Variants in ALPK3 observed in about 807,000 individuals in gnomAD.
ALPK3 encodes the protein alpha-protein kinase 3.
In ALPK3, 102 loss-of-function variants were observed where a neutral mutation model predicts 140.0. The observed-to-expected ratio is 0.73, with a 90% CI of 0.62 to 0.86. The LOEUF (loss-of-function observed/expected upper bound fraction) is 0.86, where lower values mean the gene tolerates loss of function less well. ALPK3 is among the 40% of genes least tolerant of loss of function. The pLI is 0.00. For synonymous variants in ALPK3, 938 were observed against 898.5 expected, an observed-to-expected ratio of 1.04 and a Z score of -0.79; for missense variants, 2,254 against 2,208.2, an observed-to-expected ratio of 1.02 and a Z score of -0.42.
chr15:84,860,050 C>A lies in ALPK3; in HGVS notation c.4107C>A (p.Phe1369Leu). ...TTCTGTATCTAGTGTTGTCAGGATT[C>A]ATCTCCAGAGAAGAAGGTGAAGGTA... ...FCLSPEVLSGFISREEGEVGE... is the reference protein window; with the variant it reads ...FCLSPEVLSGLISREEGEVGE... The change falls in exon 9 of 14, where the codon TTC becomes TTA. Residue 1369 changes from phenylalanine to leucine, a missense_variant. This residue lies in a region of ALPK3 where 2,088 missense variants were observed against 2,022.9 expected (regional missense o/e 1.03). Transcript: ENST00000258888. 5.6e-6 allele frequency: 9 copies of A among 1,614,136 alleles called. No homozygotes were observed. The highest frequency in any genetic ancestry group is 7.6e-6 in the Non-Finnish European group (9 of 1,180,028).
At chr15:84,841,916 A>G (rs1199556290) in intron 5 of ALPK3, among the ~76,000 whole-genome samples, 1 of 152,240 alleles carries the variant, frequency 6.6e-6, no homozygotes, top group Non-Finnish European at 1.5e-5. Flanking sequence ...AAAGTATTTC[A>G]AGAGTGGGGC....
intron 13 of ALPK3, among the ~76,000 whole-genome samples, 172 bp downstream of exon 13, chr15:84,867,537 C>A (rs1229994364): frequency 6.6e-6 from 1 of 152,072 alleles, no homozygotes; most frequent in African/African-American, 2.4e-5. Flanking sequence ...CACCCCTTAT[C>A]TCTGGCCTGG....
Position 84,856,403 on chromosome 15 carries a change from C to G in ALPK3, c.1665C>G (p.Cys555Trp). 6.3e-7 allele frequency: 1 copy of G among 1,595,072 alleles called. No individual in the cohort carries two copies. The highest frequency in any genetic ancestry group is 8.5e-7 in the Non-Finnish European group (1 of 1,172,324). Residue 555 changes from cysteine (C) to tryptophan (W), a missense_variant, in exon 6 of 14, where the codon TGC becomes TGG. By Grantham distance (215) the Cys-to-Trp change is radical. Coordinates refer to ENST00000258888, the MANE Select transcript of ALPK3 (RefSeq NM_020778.5). ...GHRTPGEVLE[C>W]QTTTAPTMSA... ...CCCTCTGTTTTCAGGTCCTGGAATG[C>G]CAGACAACCACGGCTCCTACCATGT...
In ALPK3 at chr15:84,856,355, T is replaced by C. The variant is rs368621284; in HGVS notation, c.1654-37T>C. The C allele has an allele frequency of 3.5e-5, 55 of 1,551,220 alleles. 2 individuals are homozygous for C. In the Middle Eastern group the frequency reaches 3.3e-3, roughly 93 times the overall value. ...GACTGGAAAGAGATCTGAATGTCCA[T>C]GTAGTTAAATCCTTGCTTTTGTCCC... On this transcript the variant is annotated intron_variant, in intron 5 of 13. Coordinates refer to ENST00000258888, the MANE Select transcript of ALPK3 (RefSeq NM_020778.5).
chr15:84,859,824 C>A lies in ALPK3; in HGVS notation c.4014C>A (p.Pro1338=), dbSNP rs370134731. 2.5e-6 allele frequency: 4 copies of A among 1,613,952 alleles called. No individual in the cohort carries two copies. Among genetic ancestry groups the A allele is most frequent in the South Asian group, 1.1e-5 (1 of 91,084 alleles). Residue 1338 remains proline, a synonymous_variant, in exon 8 of 14, where the codon CCC becomes CCA. Coordinates refer to ENST00000258888, the MANE Select transcript of ALPK3 (RefSeq NM_020778.5). ...PAALAIVQAS[P]VDCGVYRCTI... ...CCTTGGCCATCGTGCAGGCCTCCCCCGTAGACTGCGGTGTGTATCGGTGCA... is the reference window on the plus strand; with the variant it reads ...CCTTGGCCATCGTGCAGGCCTCCCCAGTAGACTGCGGTGTGTATCGGTGCA...
chr15:84,823,497 G>T, intron 2 of ALPK3, 129 bp downstream of exon 2: 1 of 1,058,048 alleles, frequency 9.5e-7, no homozygotes, highest in South Asian at 1.4e-5. Context: ...AGGGTGGGTG[G>T]GGAGAGTGCA....
At chr15:84,842,999 T>C (rs1417418980) in intron 5 of ALPK3, among the ~76,000 whole-genome samples, 1 of 152,208 alleles carries the variant, frequency 6.6e-6, no homozygotes, top group South Asian at 2.1e-4. Flanking sequence ...TGTGCAAATC[T>C]GGCTTCTCTG....
rs118140755 is a variant in ALPK3 at position 84,869,723 on chromosome 15, C to T, written c.*1267C>T. On this transcript the variant is annotated 3_prime_UTR_variant, in exon 14 of 14. Transcript: ENST00000258888. The stretch of plus-strand genomic sequence containing the variant: ...CAGCTAGCCTACTCCCTTTGGAATG[C>T]AATAAAGGCAGCATTGTGTGCCCTG... 3.7e-3 allele frequency: 570 copies of T among 152,788 alleles called. No homozygotes were observed. Among genetic ancestry groups the T allele is most frequent in the Non-Finnish European group, 6.2e-3 (419 of 68,102 alleles). 9.5% of individuals were successfully genotyped at this position (152,788 alleles called of 1,614,324 possible).
chr15:84,851,026 C>T (rs1410534585), intron 5 of ALPK3, among the ~76,000 whole-genome samples: 2 of 152,108 alleles, frequency 1.3e-5, no homozygotes, highest in African/African-American at 4.8e-5. Flanking sequence ...CTGTACTGGG[C>T]CCTCTTCAAA....
chr15:84,827,450 AG>A, intron 2 of ALPK3, 33 bp from the exon 3 acceptor site: 2 of 1,612,682 alleles, frequency 1.2e-6, no homozygotes, highest in East Asian at 4.5e-5. Context: ...GTTGTGGGGA[AG>A]GCCAGCTCTG....
At position 84,859,300 on chromosome 15, in the gene ALPK3, T is replaced by G. The variant is rs1468829214; in HGVS notation, c.3875T>G (p.Leu1292Arg). The change falls in exon 7 of 14, where the codon CTG becomes CGG. Residue 1292 changes from leucine (L) to arginine (R), a missense_variant. This residue lies in a region of ALPK3 where 2,088 missense variants were observed against 2,022.9 expected (regional missense o/e 1.03). Coordinates refer to ENST00000258888, the MANE Select transcript of ALPK3 (RefSeq NM_020778.5). ...VEQFPDASGSLKLWCQFFNIL... is the reference protein window; with the variant it reads ...VEQFPDASGSRKLWCQFFNIL... Reference sequence around the variant, plus strand: ...CAGTTTCCTGATGCCTCCGGTAGCCTGAAGCTGTGGTGCCAGTTTTTCAAC... The same window carrying G: ...CAGTTTCCTGATGCCTCCGGTAGCCGGAAGCTGTGGTGCCAGTTTTTCAAC... 10 of 1,614,030 alleles carry G rather than the reference T, an allele frequency of 6.2e-6. No homozygotes were observed. The highest frequency in any genetic ancestry group is 8.5e-6 in the Non-Finnish European group (10 of 1,180,002).
chr15:84,839,969 T>C lies in ALPK3; in HGVS notation c.690T>C (p.Ala230=), dbSNP rs148538731. The C allele has an allele frequency of 5.2e-5, 84 of 1,612,690 alleles. No homozygotes were observed. The highest frequency in any genetic ancestry group is 8.4e-5 in the Admixed American group (5 of 59,782). The change falls in exon 5 of 14, where the codon GCT becomes GCC. Residue 230 remains alanine (A), a synonymous_variant. Transcript: ENST00000258888. ...RFQRKRRLSG[A]QAPGPSVPTR... ...AGCGAAAGCGGCGATTGAGCGGGGC[T>C]CAAGCGCCGGGCCCCTCGGTCCCTA...
chr15:84,827,208 T>G (rs944361947), intron 2 of ALPK3, among the ~76,000 whole-genome samples: 10 of 152,234 alleles, frequency 6.6e-5, no homozygotes, highest in African/African-American at 2.4e-4. Context: ...ATGGGACACC[T>G]GGGCTTGTAG....
intron 5 of ALPK3, among the ~76,000 whole-genome samples, chr15:84,849,946 A>G (rs1963782070): frequency 6.6e-6 from 1 of 151,834 alleles, no homozygotes. Flanking sequence ...AATAAACCCA[A>G]AGCTAGTTAT....
Position 84,868,206 on chromosome 15 carries a change from C to T in ALPK3, c.4868C>T (p.Thr1623Ile). The T allele has an allele frequency of 2.5e-6, 4 of 1,614,202 alleles. No individual in the cohort carries two copies. The highest frequency in any genetic ancestry group is 3.4e-6 in the Non-Finnish European group (4 of 1,180,028). The change falls in exon 14 of 14, where the codon ACA becomes ATA. Residue 1623 changes from threonine to isoleucine, a missense_variant. Coordinates refer to ENST00000258888, the MANE Select transcript of ALPK3 (RefSeq NM_020778.5). ...CNAYCELLGL[T>I]PLKGPEAAHP... ...GCCTACTGTGAGCTGCTGGGGCTGACACCTCTCAAGGGCCCGGAGGCGGCC... is the reference window on the plus strand; with the variant it reads ...GCCTACTGTGAGCTGCTGGGGCTGATACCTCTCAAGGGCCCGGAGGCGGCC...
Position 84,827,342 on chromosome 15 carries a change from G to GAAGA in ALPK3, c.183-137_183-134dup, listed in dbSNP as rs141764031. The GAAGA allele has an allele frequency of 2.5e-3, 3,088 of 1,244,914 alleles. 59 individuals carry two copies. The African/African-American group carries it at 0.041, about 16-fold the overall frequency. 77.1% of individuals were successfully genotyped at this position (1,244,914 alleles called of 1,614,324 possible). A position where few individuals can be genotyped will look rare whatever the true frequency, so the allele number is the denominator to read the frequency against. The stretch of plus-strand genomic sequence containing the variant: ...CTGGCCAAGAGGCACAAGCTGCCTT[G>GAAGA]AAGAAAGACTTGCCGGGGTGCTGCA... On this transcript the variant is annotated intron_variant, in intron 2 of 13. Coordinates refer to ENST00000258888, the MANE Select transcript of ALPK3 (RefSeq NM_020778.5).
chr15:84,840,700 C>T lies in ALPK3; in HGVS notation c.1421C>T (p.Pro474Leu), dbSNP rs761883111. The change falls in exon 5 of 14, where the codon CCG (proline) becomes CTG (leucine). Residue 474 changes from proline to leucine, a missense_variant. Physicochemically the swap from Pro to Leu is moderately conservative, Grantham distance 98. This residue lies in a region of ALPK3 where 2,088 missense variants were observed against 2,022.9 expected (regional missense o/e 1.03). Transcript: ENST00000258888. The part of the protein sequence containing the change: ...GQPTHSLTPQ[P>L]TRPFNRKRFA... ...CCCACACACTCCTTGACCCCCCAGC[C>T]GACTAGGCCTTTCAACAGAAAGAGA... 3 of 1,610,492 alleles carry T rather than the reference C, an allele frequency of 1.9e-6. No individual in the cohort carries two copies. The highest frequency in any genetic ancestry group is 1.1e-5 in the South Asian group (1 of 90,478).
chr15:84,837,397 G>A (rs1963607514), intron 3 of ALPK3, among the ~76,000 whole-genome samples: 1 of 152,188 alleles, frequency 6.6e-6, no homozygotes, highest in African/African-American at 2.4e-5. Flanking sequence ...TAGGAGCGTG[G>A]TGCATCCGTA....
At chr15:84,854,739 T>A (rs1313971359) in intron 5 of ALPK3, among the ~76,000 whole-genome samples, 1 of 152,212 alleles carries the variant, frequency 6.6e-6, no homozygotes, top group Non-Finnish European at 1.5e-5. Context: ...GTCAAGGAAG[T>A]TTCTTCCCCT....
Sources: allele counts gnomAD v4.1 joint callset (sites outside exome capture counted in the v4.1 genomes callset), GRCh38; gene constraint gnomAD v4.1.1; regional missense constraint gnomAD v4.1.1; transcripts MANE v1.5; gene names NCBI Gene and HGNC (gene_info 2026-07-23, HGNC 2026-07-21).